Variants in SLC12A6 observed in about 807,000 individuals in gnomAD.
The protein encoded by SLC12A6 is K-Cl cotransporter 3.
Under a neutral mutation model 135.3 loss-of-function variants are expected in SLC12A6, and 66 were observed. That is an observed-to-expected ratio of 0.49 (90% CI 0.40 to 0.60). The LOEUF is 0.60. Ranked by LOEUF, SLC12A6 falls within the 20% of genes least tolerant of loss-of-function variation. SLC12A6 has a pLI of 0.00. For missense variants in SLC12A6, 1,058 were observed against 1,452.3 expected, an observed-to-expected ratio of 0.73 and a Z score of 4.41; for synonymous variants, 513 against 508.8, an observed-to-expected ratio of 1.01 and a Z score of -0.11.
At chr15:34,260,351 C>T (rs1019464075) in intron 4 of SLC12A6, among the ~76,000 whole-genome samples, 8 of 152,118 alleles carry the variant, frequency 5.3e-5, no homozygotes, top group South Asian at 2.1e-4. Flanking sequence ...CTCTGCCTCC[C>T]GGGTGCATGC....
chr15:34,303,658 G>C (rs1595535393), intron 2 of SLC12A6, among the ~76,000 whole-genome samples: 2 of 152,218 alleles, frequency 1.3e-5, no homozygotes, highest in Middle Eastern at 6.8e-3. Context: ...AGGTAATTAG[G>C]CCATTAGGTA....
intron 13 of SLC12A6, among the ~76,000 whole-genome samples, chr15:34,249,796 G>A (rs138619542): frequency 6.6e-6 from 1 of 152,192 alleles, no homozygotes; most frequent in African/African-American, 2.4e-5. Flanking sequence ...CACATTCACT[G>A]CTTTTTTGAA....
intron 10 of SLC12A6, 74 bp downstream of exon 10, chr15:34,252,096 G>T (rs1892430874): frequency 2.7e-6 from 2 of 753,234 alleles, no homozygotes; most frequent in Non-Finnish European, 4.8e-6. Flanking sequence ...ATGGACAGTA[G>T]AGGAATCTAA....
Position 34,232,835 on chromosome 15 carries a change from C to T in SLC12A6, c.*1046G>A, listed in dbSNP as rs1339747125. ...GAGTGTGGCTCTAGAACTTCCAATT[C>T]CATTGCTAGATGTGCCCTTTAAAAG... On this transcript the variant is annotated 3_prime_UTR_variant, in exon 26 of 26. Coordinates refer to ENST00000354181, the MANE Select transcript of SLC12A6 (RefSeq NM_001365088.1). The T allele has an allele frequency of 6.6e-6, 1 of 151,866 alleles. No individual in the cohort carries two copies. Among genetic ancestry groups the T allele is most frequent in the Non-Finnish European group, 1.5e-5 (1 of 67,872 alleles). 9.4% of individuals were successfully genotyped at this position (151,866 alleles called of 1,614,324 possible). A position where few individuals can be genotyped will look rare whatever the true frequency, so the allele number is the denominator to read the frequency against.
At chr15:34,313,151 T>C (rs180981549) in intron 2 of SLC12A6, among the ~76,000 whole-genome samples, 3 of 152,322 alleles carry the variant, frequency 2.0e-5, no homozygotes, top group Non-Finnish European at 4.4e-5. Context: ...AAGCTTGAAA[T>C]GATTAAGCTC....
chr15:34,268,156 C>G (rs1256465694), intron 3 of SLC12A6, among the ~76,000 whole-genome samples: 3 of 152,212 alleles, frequency 2.0e-5, no homozygotes, highest in Non-Finnish European at 2.9e-5. Context: ...TTACAAAAAT[C>G]TGGCATGAGA....
Position 34,233,914 on chromosome 15 carries a change from AC to A in SLC12A6, c.3419del (p.Gly1140ValfsTer6). The A allele has an allele frequency of 6.2e-7, 1 of 1,605,990 alleles. No individual in the cohort carries two copies. Among genetic ancestry groups the A allele is most frequent in the Non-Finnish European group, 8.5e-7 (1 of 1,172,614 alleles). On this transcript the variant is annotated frameshift_variant, in exon 26 of 26. Coordinates refer to ENST00000354181, the MANE Select transcript of SLC12A6 (RefSeq NM_001365088.1). LOFTEE classifies it high-confidence loss of function. ...EGLERVLLVR[G>X]GGSEVITIYS ...AAATGGTGATCACTTCACTGCCACC[AC>A]CCCGGACAAGTAGGACTCGCTCTAG...
chr15:34,229,804 G>C lies in SLC12A6; in HGVS notation c.*4077C>G, dbSNP rs756456891. On this transcript the variant is annotated 3_prime_UTR_variant, in exon 26 of 26. Transcript: ENST00000354181. ...GCTTTTGTGAACATGAGAAAGCAGC[G>C]CCTGGTCCCTATGTATTTGGGTCTT... 1.3e-5 allele frequency: 21 copies of C among 1,612,460 alleles called. No individual in the cohort carries two copies. Among genetic ancestry groups the C allele is most frequent in the Middle Eastern group, 1.7e-4 (1 of 6,054 alleles).
intron 7 of SLC12A6, 80 bp downstream of exon 7, chr15:34,256,149 G>A (rs1229043720): frequency 1.1e-6 from 1 of 885,642 alleles, no homozygotes; most frequent in Middle Eastern, 2.1e-4. Context: ...CTATTCTTCA[G>A]AAGTTTGCAC....
At chr15:34,322,871 G>C (rs751281721) in intron 2 of SLC12A6, among the ~76,000 whole-genome samples, 2 of 150,858 alleles carry the variant, frequency 1.3e-5, no homozygotes, top group Non-Finnish European at 3.0e-5. Context: ...CCAGCTACTC[G>C]GGAGGCTGAG....
At chr15:34,278,654 C>T (rs1894461436) in intron 2 of SLC12A6, among the ~76,000 whole-genome samples, 1 of 151,958 alleles carries the variant, frequency 6.6e-6, no homozygotes, top group Non-Finnish European at 1.5e-5. Context: ...TCACTGCAAC[C>T]TCCACCTTCC....
chr15:34,330,167 T>G (rs2141179783), intron 2 of SLC12A6, among the ~76,000 whole-genome samples: 1 of 152,318 alleles, frequency 6.6e-6, no homozygotes, highest in East Asian at 1.9e-4. Flanking sequence ...ACACACTGCA[T>G]TTGGCTGATA....
intron 21 of SLC12A6, among the ~76,000 whole-genome samples, chr15:34,237,834 T>A (rs917188843): frequency 6.6e-6 from 1 of 152,200 alleles, no homozygotes. Context: ...AGACAGTGTA[T>A]CAATGACAAC....
In SLC12A6 at chr15:34,230,036, G is replaced by A. The variant is rs1890817672; in HGVS notation, c.*3845C>T. The A allele has an allele frequency of 6.4e-6, 3 of 469,556 alleles. No individual in the cohort carries two copies. The highest frequency in any genetic ancestry group is 1.1e-5 in the Non-Finnish European group (3 of 266,834). 29.1% of individuals were successfully genotyped at this position (469,556 alleles called of 1,614,324 possible). ...AAACTTTATTTTTGTTTCCAGTACA[G>A]AGCAAAACAACAACAAAAAAACATA... On this transcript the variant is annotated 3_prime_UTR_variant, in exon 26 of 26. Transcript: ENST00000354181.
chr15:34,269,859 G>A (rs1408990130), intron 3 of SLC12A6, among the ~76,000 whole-genome samples: 1 of 152,080 alleles, frequency 6.6e-6, no homozygotes, highest in African/African-American at 2.4e-5. Flanking sequence ...ATTGTCATCT[G>A]GTTGTCTTTC....
At chr15:34,307,298 A>T (rs973960617) in intron 2 of SLC12A6, among the ~76,000 whole-genome samples, 2 of 152,350 alleles carry the variant, frequency 1.3e-5, no homozygotes, top group South Asian at 2.1e-4. Flanking sequence ...CATGAACAGG[A>T]AGTTCACTAA....
At chr15:34,297,072 C>T (rs1007261170) in intron 2 of SLC12A6, among the ~76,000 whole-genome samples, 4 of 152,182 alleles carry the variant, frequency 2.6e-5, no homozygotes, top group African/African-American at 7.2e-5. Flanking sequence ...ACCCAGCTAA[C>T]TGAAAGTTGG....
chr15:34,233,880 G>T lies in SLC12A6; in HGVS notation c.*1C>A, dbSNP rs184521227. The T allele has an allele frequency of 1.3e-6, 2 of 1,539,628 alleles. No individual in the cohort carries two copies. Among genetic ancestry groups the T allele is most frequent in the Admixed American group, 3.3e-5 (2 of 59,926 alleles). ...GGTCAAGCACGGTCATTCAGAGTAGGTTATGAATAAATGGTGATCACTTCA... is the reference window on the plus strand; with the variant it reads ...GGTCAAGCACGGTCATTCAGAGTAGTTTATGAATAAATGGTGATCACTTCA... On this transcript the variant is annotated 3_prime_UTR_variant, in exon 26 of 26. Transcript: ENST00000354181.
intron 2 of SLC12A6, among the ~76,000 whole-genome samples, chr15:34,325,194 T>C (rs1464093763): frequency 6.6e-6 from 1 of 152,232 alleles, no homozygotes; most frequent in African/African-American, 2.4e-5. Flanking sequence ...TAGCAGAGCC[T>C]GAAAGGTATA....
Sources: gnomAD v4.1 joint callset for allele counts (sites outside exome capture counted in the v4.1 genomes callset) on GRCh38, gnomAD v4.1.1 for gene constraint, MANE v1.5 for transcripts, NCBI Gene and HGNC (gene_info 2026-07-23, HGNC 2026-07-21) for gene names.